The following CTNNA2 variants were observed in gnomAD, a reference collection of about 807,000 sequenced individuals.
The protein encoded by CTNNA2 is catenin alpha 2, also known as catenin alpha-2.
A neutral mutation model predicts 101.0 loss-of-function variants in CTNNA2; 42 were observed. That is an observed-to-expected ratio of 0.42 (90% CI 0.32 to 0.54). CTNNA2 has a LOEUF of 0.54. CTNNA2 is among the 20% of genes least tolerant of loss of function. The pLI is 0.14. For synonymous variants in CTNNA2, 450 were observed against 456.4 expected (o/e 0.99, Z 0.18); for missense variants, 871 against 1,223.1 (o/e 0.71, Z 4.29).
intron 7 of CTNNA2, among the ~76,000 whole-genome samples, chr2:79,963,516 C>A (rs1014347955): frequency 1.3e-5 from 2 of 152,172 alleles, no homozygotes; most frequent in African/African-American, 4.8e-5. Context: ...TTCCAGATAG[C>A]CCATGTCAGT....
intron 7 of CTNNA2, among the ~76,000 whole-genome samples, chr2:79,986,541 T>C (rs1428629424): frequency 6.6e-6 from 1 of 152,060 alleles, no homozygotes. Context: ...GTTGTTCTGC[T>C]CTCGTGTGAC....
At chr2:79,276,394 A>G (rs1675214078) in intron 2 of CTNNA2, among the ~76,000 whole-genome samples, 1 of 151,968 alleles carries the variant, frequency 6.6e-6, no homozygotes, top group Non-Finnish European at 1.5e-5. Flanking sequence ...CTTTTGTTTG[A>G]TCTATTTCAA....
intron 7 of CTNNA2, among the ~76,000 whole-genome samples, chr2:80,386,755 T>C (rs1677044948): frequency 6.6e-6 from 1 of 152,228 alleles, no homozygotes; most frequent in Non-Finnish European, 1.5e-5. Flanking sequence ...TATATTACAG[T>C]CACAGCTACA....
intron 3 of CTNNA2, among the ~76,000 whole-genome samples, chr2:79,335,988 G>A (rs1676986130): frequency 6.6e-6 from 1 of 152,160 alleles, no homozygotes; most frequent in East Asian, 1.9e-4. Flanking sequence ...GTTAGGGAGA[G>A]ATCAAGTAAG....
chr2:79,525,871 A>T (rs1299284309), intron 1 of CTNNA2, among the ~76,000 whole-genome samples: 1 of 152,032 alleles, frequency 6.6e-6, no homozygotes, highest in Non-Finnish European at 1.5e-5. Context: ...GATAAGTTTC[A>T]ATAAAACTCT....
At chr2:79,648,826 A>C (rs1169468795) in intron 1 of CTNNA2, among the ~76,000 whole-genome samples, 4 of 152,216 alleles carry the variant, frequency 2.6e-5, no homozygotes, top group Non-Finnish European at 5.9e-5. Context: ...TTTTAGTCTC[A>C]ACTGTATCAG....
chr2:79,957,378 C>A (rs1377852906), intron 7 of CTNNA2, among the ~76,000 whole-genome samples: 1 of 152,090 alleles, frequency 6.6e-6, no homozygotes, highest in Non-Finnish European at 1.5e-5. Context: ...TGGGTTGTGT[C>A]CATGGAAGGC....
At chr2:80,026,721 CATTTT>C (rs1160514106) in intron 7 of CTNNA2, among the ~76,000 whole-genome samples, 2 of 152,152 alleles carry the variant, frequency 1.3e-5, no homozygotes, top group African/African-American at 4.8e-5. Flanking sequence ...ACCCAGCTCT[CATTTT>C]ATAGTTTCTT....
intron 2 of CTNNA2, among the ~76,000 whole-genome samples, chr2:79,719,352 T>A: frequency 6.6e-6 from 1 of 152,316 alleles, no homozygotes; most frequent in Admixed American, 6.5e-5. Flanking sequence ...GTTGCTGTTG[T>A]GAACAGTGCA....
At chr2:79,868,331 G>T (rs1037646783) in intron 4 of CTNNA2, among the ~76,000 whole-genome samples, 16 of 152,060 alleles carry the variant, frequency 1.1e-4, no homozygotes, top group African/African-American at 3.6e-4. Flanking sequence ...CCTGCCACCA[G>T]TATCATTCCA....
chr2:79,703,298 A>AAAAGTTACAATCTTTT (rs1179848356), intron 2 of CTNNA2, among the ~76,000 whole-genome samples: 3 of 152,254 alleles, frequency 2.0e-5, no homozygotes, highest in African/African-American at 7.2e-5. Flanking sequence ...TTAGTAGCTT[A>AAAAGTTACAATCTTTT]AAAGATTGTA....
intron 6 of CTNNA2, among the ~76,000 whole-genome samples, chr2:79,887,089 T>G (rs556555373): frequency 6.6e-6 from 1 of 152,256 alleles, no homozygotes; most frequent in East Asian, 1.9e-4. Context: ...AATGCTGGGA[T>G]TACAGGCGTG....
chr2:80,013,519 A>G (rs1693929034), intron 7 of CTNNA2, among the ~76,000 whole-genome samples: 2 of 152,134 alleles, frequency 1.3e-5, no homozygotes, highest in African/African-American at 4.8e-5. Context: ...ACTTACACTA[A>G]CCTGCTTTAT....
intron 7 of CTNNA2, among the ~76,000 whole-genome samples, chr2:80,026,332 C>T (rs942011128): frequency 5.3e-5 from 8 of 152,148 alleles, no homozygotes; most frequent in Non-Finnish European, 1.0e-4. Context: ...AAGCATTCAT[C>T]GATCCAAGGA....
chr2:80,558,964 G>C (rs1216206609), intron 12 of CTNNA2, among the ~76,000 whole-genome samples: 1 of 152,116 alleles, frequency 6.6e-6, no homozygotes, highest in East Asian at 1.9e-4. Flanking sequence ...CTTGGGGAGA[G>C]TTCTGGGGAC....
intron 3 of CTNNA2, among the ~76,000 whole-genome samples, chr2:79,347,788 CT>C (rs35044310): frequency 0.055 from 7,271 of 132,568 alleles, 427 homozygotes; most frequent in African/African-American, 0.18. Flanking sequence ...CCTAGCCTTC[CT>C]TTTTTTTTTT....
chr2:80,074,978 C>T (rs986729502), intron 7 of CTNNA2, among the ~76,000 whole-genome samples: 5 of 152,194 alleles, frequency 3.3e-5, no homozygotes, highest in Admixed American at 3.3e-4. Context: ...GTTAAAACTA[C>T]TGTGTACATG....
intron 2 of CTNNA2, among the ~76,000 whole-genome samples, chr2:79,708,802 T>C (rs1050632671): frequency 6.6e-6 from 1 of 152,226 alleles, no homozygotes; most frequent in Non-Finnish European, 1.5e-5. Flanking sequence ...TTGATCAAAA[T>C]ATATTGACAT....
chr2:79,788,069 T>A (rs1014451604), intron 3 of CTNNA2, among the ~76,000 whole-genome samples: 6 of 152,158 alleles, frequency 3.9e-5, no homozygotes, highest in African/African-American at 2.4e-5. Context: ...CATGTGGATT[T>A]TATCACTAGT....
Sources: gnomAD v4.1 joint callset for allele counts (sites outside exome capture counted in the v4.1 genomes callset) on GRCh38, gnomAD v4.1.1 for gene constraint, MANE v1.5 for transcripts, NCBI Gene and HGNC (gene_info 2026-07-23, HGNC 2026-07-21) for gene names.